DAP3: variants seen among roughly 807,000 people sequenced by gnomAD.
DAP3 encodes small ribosomal subunit protein mS29.
DAP3 carries 28 observed loss-of-function variants against 51.9 expected under a neutral mutation model. The observed-to-expected ratio is 0.54, with a 90% CI of 0.40 to 0.74. The LOEUF (loss-of-function observed/expected upper bound fraction) is 0.74. Among genes scored for constraint, DAP3 ranks in the 30% least tolerant of loss-of-function variants. DAP3 has a pLI of 0.00. For synonymous variants in DAP3, 170 were observed against 170.3 expected, an observed-to-expected ratio of 1.00 and a Z score of 0.01; for missense variants, 458 against 483.5, an observed-to-expected ratio of 0.95 and a Z score of 0.49.
At chr1:155,737,775 A>G (rs1659960659) in intron 12 of DAP3, among the ~76,000 whole-genome samples, 1 of 151,932 alleles carries the variant, frequency 6.6e-6, no homozygotes, top group Non-Finnish European at 1.5e-5. Context: ...AAAAAGCAAA[A>G]AAAAAAAAAT....
chr1:155,736,135 G>A (rs189852250), intron 11 of DAP3, among the ~76,000 whole-genome samples: 152 of 151,614 alleles, frequency 1.0e-3, no homozygotes, highest in African/African-American at 3.4e-3. Context: ...CACCGTGCCC[G>A]GCTAATTTTT....
At chr1:155,722,840 AT>A (rs1466001129) in intron 4 of DAP3, among the ~76,000 whole-genome samples, 2 of 152,166 alleles carry the variant, frequency 1.3e-5, no homozygotes, top group African/African-American at 4.8e-5. Context: ...TGAAGAAATC[AT>A]CTGCAGTGGC....
At chr1:155,722,080 G>T in intron 4 of DAP3, 1 of 175,348 alleles carries the variant, frequency 5.7e-6, no homozygotes, top group Non-Finnish European at 1.2e-5. Context: ...TCTTTAGTGT[G>T]GTTTATTTCG....
chr1:155,726,285 ATTT>A (rs1174524977), intron 6 of DAP3: 352 of 120,326 alleles, frequency 2.9e-3, no homozygotes, highest in South Asian at 0.01. Flanking sequence ...CGCCCAGCTA[ATTT>A]TTTTTTTTTT....
intron 1 of DAP3, among the ~76,000 whole-genome samples, chr1:155,707,165 G>A (rs1656096548): frequency 6.6e-6 from 1 of 151,954 alleles, no homozygotes; most frequent in African/African-American, 2.4e-5. Flanking sequence ...TGTAATCCCA[G>A]CACTTTGGGA....
intron 2 of DAP3, among the ~76,000 whole-genome samples, chr1:155,715,148 A>G (rs1043651898): frequency 1.3e-5 from 2 of 150,810 alleles, no homozygotes; most frequent in African/African-American, 2.4e-5. Context: ...GGTTGCAGAG[A>G]GCCAAGATTG....
rs574584490 is a variant in DAP3 at position 155,716,879 on chromosome 1, G to A, written c.46-127G>A. The stretch of plus-strand genomic sequence containing the variant: ...GGAGAATCACTTGAACCTGGAAGGC[G>A]GAGGTTGTAGTGAGCCTGAGATCAC... On this transcript the variant is annotated intron_variant, in intron 2 of 12. Coordinates refer to ENST00000368336, the MANE Select transcript of DAP3 (RefSeq NM_004632.4). 32 of 1,305,228 alleles carry A rather than the reference G, an allele frequency of 2.5e-5. No homozygotes were observed. In the African/African-American group the frequency reaches 3.0e-4, roughly 12 times the overall value. The allele number at this position is 1,305,228 out of a possible 1,614,324, so 80.9% of individuals were successfully genotyped here. A position where few individuals can be genotyped will look rare whatever the true frequency, so the allele number is the denominator to read the frequency against.
chr1:155,720,454 C>G (rs1264685954), intron 3 of DAP3, among the ~76,000 whole-genome samples: 7 of 147,294 alleles, frequency 4.8e-5, no homozygotes, highest in African/African-American at 1.8e-4. Context: ...ACCAGCCTGT[C>G]TCTACTAAAC....
chr1:155,688,740 C>T, upstream of DAP3: 6 of 1,518,298 alleles, frequency 4.0e-6, no homozygotes, highest in East Asian at 4.9e-5. Flanking sequence ...CACCAACCGC[C>T]GCCAAAGCAG....
At position 155,717,019 on chromosome 1, in the gene DAP3, G is replaced by A. The variant is rs1274099843; in HGVS notation, c.59G>A (p.Arg20His). 7.4e-6 allele frequency: 12 copies of A among 1,613,714 alleles called. No individual in the cohort carries two copies. The highest frequency in any genetic ancestry group is 1.7e-5 in the Admixed American group (1 of 59,906). Residue 20 changes from arginine to histidine, a missense_variant, in exon 3 of 13, where the codon CGT becomes CAT. Physicochemically the swap from Arg to His is conservative, Grantham distance 29 (BLOSUM62 0). Coordinates refer to ENST00000368336, the MANE Select transcript of DAP3 (RefSeq NM_004632.4). Reference sequence around the variant, plus strand: ...TTTCTCTTATAGTTGGACCCTGGGCGTTTTTTACACATGGGGACCCAGGCT... The same window carrying A: ...TTTCTCTTATAGTTGGACCCTGGGCATTTTTTACACATGGGGACCCAGGCT... ...ISRIHKLDPG[R>H]FLHMGTQARQ...
At chr1:155,714,034 T>C (rs1006599073) in intron 2 of DAP3, among the ~76,000 whole-genome samples, 5 of 152,066 alleles carry the variant, frequency 3.3e-5, no homozygotes, top group African/African-American at 1.2e-4. Flanking sequence ...GCTTGATGAA[T>C]GGGAAAGATT....
intron 1 of DAP3, among the ~76,000 whole-genome samples, chr1:155,691,519 T>C (rs1324138774): frequency 7.0e-6 from 1 of 142,030 alleles, no homozygotes; most frequent in Middle Eastern, 3.2e-3. Context: ...TATTTCCACT[T>C]TTTGGCTCTT....
At chr1:155,728,299 C>T (rs623741) in intron 7 of DAP3, among the ~76,000 whole-genome samples, 1 of 152,308 alleles carries the variant, frequency 6.6e-6, no homozygotes, top group Non-Finnish European at 1.5e-5. Flanking sequence ...CAGGGGCTCA[C>T]ACCTGTAATG....
chr1:155,688,726 C>T (rs780567044), upstream of DAP3: 12 of 1,516,898 alleles, frequency 7.9e-6, no homozygotes, highest in Non-Finnish European at 9.7e-6. Flanking sequence ...CCCGCCCGCA[C>T]GGCCACCAAC....
At chr1:155,732,473 C>T (rs980711778) in intron 11 of DAP3, among the ~76,000 whole-genome samples, 1 of 152,024 alleles carries the variant, frequency 6.6e-6, no homozygotes, top group African/African-American at 2.4e-5. Context: ...TCAAGTGATC[C>T]GCCTACCTCA....
intron 1 of DAP3, among the ~76,000 whole-genome samples, chr1:155,699,893 G>C (rs1056588692): frequency 6.6e-6 from 1 of 152,086 alleles, no homozygotes. Flanking sequence ...GAGAATTACA[G>C]GTGTGAGCCA....
At chr1:155,737,130 TTGA>T in intron 12 of DAP3, 67 bp downstream of exon 12, 1 of 1,130,256 alleles carries the variant, frequency 8.8e-7, no homozygotes, top group Non-Finnish European at 1.3e-6. Flanking sequence ...AGTCAGAGCC[TTGA>T]TCTCTTCTTC....
chr1:155,700,557 G>T (rs1341803379), intron 1 of DAP3, among the ~76,000 whole-genome samples: 1 of 151,296 alleles, frequency 6.6e-6, no homozygotes, highest in African/African-American at 2.4e-5. Flanking sequence ...CGCCCCATCC[G>T]GGAGGGAGGT....
chr1:155,708,521 A>G (rs1363198643), intron 1 of DAP3, among the ~76,000 whole-genome samples: 1 of 134,680 alleles, frequency 7.4e-6, no homozygotes, highest in Non-Finnish European at 1.6e-5. Context: ...TGACTTTTTA[A>G]TTTTCTTTTT....
Sources: gnomAD v4.1 joint callset for allele counts (sites outside exome capture counted in the v4.1 genomes callset) on GRCh38, gnomAD v4.1.1 for gene constraint, MANE v1.5 for transcripts, NCBI Gene and HGNC (gene_info 2026-07-23, HGNC 2026-07-21) for gene names.